Variants in PWWP3A observed in about 807,000 individuals in gnomAD.
PWWP3A encodes the protein PWWP domain containing 3A, DNA repair factor.
A neutral mutation model predicts 79.0 loss-of-function variants in PWWP3A; 53 were observed. That is an observed-to-expected ratio of 0.67 (90% confidence interval 0.54 to 0.84). PWWP3A has a LOEUF of 0.84. Ranked by LOEUF, PWWP3A falls within the 40% of genes least tolerant of loss-of-function variation. PWWP3A has a pLI of 0.00. For synonymous variants in PWWP3A, 443 were observed against 394.4 expected, an observed-to-expected ratio of 1.12 and a Z score of -1.46; for missense variants, 973 against 948.0, an observed-to-expected ratio of 1.03 and a Z score of -0.35.
intron 13 of PWWP3A, among the ~76,000 whole-genome samples, chr19:1,376,010 C>T (rs928614663): frequency 6.6e-6 from 1 of 151,358 alleles, no homozygotes; most frequent in Middle Eastern, 3.4e-3. Context: ...AGCATTTCAC[C>T]ATCTTGGCCA....
intron 13 of PWWP3A, among the ~76,000 whole-genome samples, chr19:1,376,290 TG>T: frequency 1.1e-5 from 1 of 89,712 alleles, no homozygotes; most frequent in South Asian, 3.7e-4. Flanking sequence ...CACGCCCGGC[TG>T]TTTGTTTTTT....
intron 13 of PWWP3A, among the ~76,000 whole-genome samples, chr19:1,376,208 C>T (rs901559627): frequency 4.7e-5 from 7 of 150,120 alleles, no homozygotes; most frequent in Non-Finnish European, 1.0e-4. Context: ...TCACTGCAAG[C>T]ACCACCTCCC....
rs1235686438 is a variant in PWWP3A at position 1,369,300 on chromosome 19, C to G, written c.1458C>G (p.Gly486=). The change falls in exon 10 of 14, where the codon GGC becomes GGG. Residue 486 remains glycine, a synonymous_variant. Transcript: ENST00000591337. The surrounding 1 kb of genome is among the most constrained non-coding windows in gnomAD (Gnocchi z 4.0). ...GGGAGGACTTCAACCAGGACATCGG[C>G]TGGTGTGTCTCCCTCATCACCGACT... ...QAREDFNQDI[G]WCVSLITDYR... The G allele has an allele frequency of 1.9e-6, 3 of 1,614,096 alleles. No homozygotes were observed. The highest frequency in any genetic ancestry group is 1.7e-5 in the Admixed American group (1 of 60,028).
rs1464201506 is a variant in PWWP3A, at chr19:1,360,165, C to A, written c.244C>A (p.Leu82Met). The A allele has an allele frequency of 6.3e-7, 1 of 1,578,514 alleles. No individual in the cohort carries two copies. Among genetic ancestry groups the A allele is most frequent in the Non-Finnish European group, 8.6e-7 (1 of 1,164,804 alleles). The change falls in exon 5 of 14, where the codon CTG becomes ATG. Residue 82 changes from leucine (L) to methionine (M), a missense_variant. Transcript: ENST00000591337. The surrounding 1 kb of genome is among the most constrained non-coding windows in gnomAD (Gnocchi z 4.4). Reference sequence around the variant, plus strand: ...ACAGAATGAGGTTCCTGCGGCACCCCTGGAAGAACTGGCCTACAGACGGTC... The same window carrying A: ...ACAGAATGAGGTTCCTGCGGCACCCATGGAAGAACTGGCCTACAGACGGTC... ...ASQNEVPAAP[L>M]EELAYRRSLR... is the part of the protein sequence containing the mutation.
rs1427607193 is a variant in PWWP3A at position 1,357,001 on chromosome 19, A to G, written c.58-8A>G. On this transcript the variant is annotated splice_polypyrimidine_tract_variant and splice_region_variant and intron_variant, in intron 2 of 13. Transcript: ENST00000591337. ...AATAACAAGGATTTTCTTTTGTTTT[A>G]AATGTAGGTTTTGGCCCGAACCGCG... is the stretch of plus-strand genomic sequence containing the variant. 1 of 1,608,030 alleles carries G rather than the reference A, an allele frequency of 6.2e-7. No homozygotes were observed.
chr19:1,375,960 C>T (rs1046807342), intron 13 of PWWP3A, among the ~76,000 whole-genome samples: 30 of 150,956 alleles, frequency 2.0e-4, no homozygotes, highest in African/African-American at 7.3e-4. Flanking sequence ...CAGGTGCCCA[C>T]TACCACGCCT....
chr19:1,370,527 T>G (rs2668423), intron 11 of PWWP3A, 115 bp from the exon 12 acceptor site: 684,116 of 923,118 alleles, frequency 0.74, 255,278 homozygotes, highest in Middle Eastern at 0.79. Context: ...CGGAGCTCGA[T>G]CGCTAGGGTC....
In PWWP3A at chr19:1,361,016, C is replaced by A; in HGVS notation, c.1095C>A (p.Ser365=). 2 of 1,428,590 alleles carry A rather than the reference C, an allele frequency of 1.4e-6. No homozygotes were observed. The allele number at this position is 1,428,590 out of a possible 1,614,324, so 88.5% of individuals were successfully genotyped here. Residue 365 remains serine, a synonymous_variant, in exon 5 of 14, where the codon TCC becomes TCA. Coordinates refer to ENST00000591337, the MANE Select transcript of PWWP3A (RefSeq NM_001369789.1). Reference sequence around the variant, plus strand: ...CCAGATGTCTTCCTTGCCCGGATTCCCAGAAGCTGGAGAAAGGTAAAAGTT... The same window carrying A: ...CCAGATGTCTTCCTTGCCCGGATTCACAGAAGCTGGAGAAAGGTAAAAGTT... The part of the protein sequence containing the change: ...DATRCLPCPD[S]QKLEKECQSS...
intron 13 of PWWP3A, 77 bp from the exon 14 acceptor site, chr19:1,376,442 C>A: frequency 6.7e-7 from 1 of 1,484,520 alleles, no homozygotes; most frequent in African/African-American, 1.4e-5. Context: ...GCGTGAGCGA[C>A]CACACCCAGT....
Position 1,360,204 on chromosome 19 carries a change from C to T in PWWP3A, c.283C>T (p.Leu95=). ...CTACAGACGGTCGCTTCGCGTGGCT[C>T]TGGACGTTCTGAGCGAGGGCTCGAT... ...LAYRRSLRVA[L]DVLSEGSIWS... The change falls in exon 5 of 14, where the codon CTG becomes TTG. Residue 95 remains leucine, a synonymous_variant. Coordinates refer to ENST00000591337, the MANE Select transcript of PWWP3A (RefSeq NM_001369789.1). The surrounding 1 kb of genome is among the most constrained non-coding windows in gnomAD (Gnocchi z 4.4). 6 of 1,612,740 alleles carry T rather than the reference C, an allele frequency of 3.7e-6. No individual in the cohort carries two copies. The East Asian group carries it at 1.3e-4, about 36-fold the overall frequency.
intron 4 of PWWP3A, chr19:1,358,772 AG>A (rs2081943862): frequency 1.7e-5 from 16 of 964,388 alleles, no homozygotes; most frequent in Admixed American, 6.4e-5. Context: ...TGCTGCCATA[AG>A]GGGGGAGGTC....
intron 4 of PWWP3A, chr19:1,359,322 A>C (rs2144700584): frequency 6.6e-6 from 1 of 152,170 alleles, no homozygotes. Context: ...TCTTCCGAAA[A>C]ACAGCTCTTG....
In PWWP3A at chr19:1,358,700, G is replaced by T. The variant is rs1284241852; in HGVS notation, c.214+236G>T. On this transcript the variant is annotated intron_variant, in intron 4 of 13. Transcript: ENST00000591337. ...ATTCTTGACGCCCAGAATGGTCAGTGGTGAGCATCAAGGTCATCTCGTACC... is the reference window on the plus strand; with the variant it reads ...ATTCTTGACGCCCAGAATGGTCAGTTGTGAGCATCAAGGTCATCTCGTACC... The T allele has an allele frequency of 4.6e-6, 7 of 1,515,142 alleles. No homozygotes were observed. The African/African-American group carries it at 8.3e-5, about 18-fold the overall frequency. 93.9% of individuals were successfully genotyped at this position (1,515,142 alleles called of 1,614,324 possible).
intron 2 of PWWP3A, 37 bp downstream of exon 2, chr19:1,356,486 A>C (rs546359209): frequency 6.2e-7 from 1 of 1,605,174 alleles, no homozygotes; most frequent in South Asian, 1.1e-5. Flanking sequence ...GGACTTAGAA[A>C]TGACTTTCGG....
At chr19:1,375,559 T>TATATC (rs2082358813) in intron 13 of PWWP3A, among the ~76,000 whole-genome samples, 1 of 137,728 alleles carries the variant, frequency 7.3e-6, no homozygotes, top group Non-Finnish European at 1.6e-5. Context: ...ATATATATTA[T>TATATC]ATATAAAATA....
chr19:1,356,113 T>G (rs1316764268), intron 1 of PWWP3A, among the ~76,000 whole-genome samples: 1 of 152,188 alleles, frequency 6.6e-6, no homozygotes, highest in Non-Finnish European at 1.5e-5. Context: ...GTATTTTATT[T>G]ATGAAAAAAT....
rs189340337 is a variant in PWWP3A at position 1,360,270 on chromosome 19, C to G, written c.349C>G (p.Arg117Gly). Reference sequence around the variant, plus strand: ...CTCTGCAGGGACAGGTAGAGCTGACCGGTCTCTGCGAGGGAAGCCCATGGA... The same window carrying G: ...CTCTGCAGGGACAGGTAGAGCTGACGGGTCTCTGCGAGGGAAGCCCATGGA... ...ESSAGTGRADRSLRGKPMEHV... is the reference protein window; with the variant it reads ...ESSAGTGRADGSLRGKPMEHV... The change falls in exon 5 of 14, where the codon CGG becomes GGG. Residue 117 changes from arginine to glycine, a missense_variant. Transcript: ENST00000591337. This position sits in a 1 kb window ranked among gnomAD's most constrained non-coding sequence, Gnocchi z 4.4. The G allele has an allele frequency of 6.2e-7, 1 of 1,613,930 alleles. No individual in the cohort carries two copies. Among genetic ancestry groups the G allele is most frequent in the African/African-American group, 1.3e-5 (1 of 74,928 alleles).
chr19:1,363,556 C>T (rs558415546), intron 6 of PWWP3A, among the ~76,000 whole-genome samples: 8 of 152,312 alleles, frequency 5.3e-5, no homozygotes, highest in East Asian at 1.9e-4. Context: ...GTTGGGTCAC[C>T]GGGACATACA....
chr19:1,360,016 C>T lies in PWWP3A; in HGVS notation c.215-120C>T. 1 of 986,818 alleles carries T rather than the reference C, an allele frequency of 1.0e-6. No homozygotes were observed. Among genetic ancestry groups the T allele is most frequent in the East Asian group, 2.9e-5 (1 of 34,720 alleles). 61.1% of individuals were successfully genotyped at this position (986,818 alleles called of 1,614,324 possible). ...GGTGAGAAATGTTAGTCCTCCCCTT[C>T]AGTGATTTAGGTATGAAACTAGCCG... is the stretch of plus-strand genomic sequence containing the variant. On this transcript the variant is annotated intron_variant, in intron 4 of 13. Coordinates refer to ENST00000591337, the MANE Select transcript of PWWP3A (RefSeq NM_001369789.1). The surrounding 1 kb of genome is among the most constrained non-coding windows in gnomAD (Gnocchi z 4.4).
Sources: gnomAD v4.1 joint callset for allele counts (sites outside exome capture counted in the v4.1 genomes callset) on GRCh38, gnomAD v4.1.1 for gene constraint, Gnocchi (gnomAD v3.1) non-coding constraint, MANE v1.5 for transcripts, NCBI Gene and HGNC (gene_info 2026-07-23, HGNC 2026-07-21) for gene names.